ABCA13: variants seen among roughly 807,000 people sequenced by gnomAD.
ABCA13 encodes ATP-binding cassette sub-family A member 13.
Under a neutral mutation model 478.7 loss-of-function variants are expected in ABCA13, and 476 were observed. The observed-to-expected ratio is 0.99, with a 90% confidence interval of 0.92 to 1.07. The LOEUF is 1.07. Among genes scored for constraint, ABCA13 ranks in the 50% least tolerant of loss-of-function variants. The probability of loss-of-function intolerance (pLI) is 0.00; values close to 1 mark genes in which losing one functional copy is unlikely to be tolerated. For missense variants in ABCA13, 6,060 were observed against 5,910.6 expected (o/e 1.03, Z -0.83); for synonymous variants, 2,252 against 2,158.9 (o/e 1.04, Z -1.20).
rs564166630 is a variant in ABCA13, at chr7:48,530,347, T to C, written c.14354+2002T>C. Among the ~76,000 whole-genome samples the C allele has an allele frequency of 3.3e-5, 5 of 151,956 alleles. No homozygotes were observed. The South Asian group carries it at 1.0e-3, about 32-fold the overall frequency. ...ATATACACATATACATATATAGATGTATATATACACATATATACATATATA... is the reference window on the plus strand; with the variant it reads ...ATATACACATATACATATATAGATGCATATATACACATATATACATATATA... On this transcript the variant is annotated intron_variant, in intron 55 of 61. Transcript: ENST00000435803.
chr7:48,566,237 A>G (rs558511028), intron 55 of ABCA13, among the ~76,000 whole-genome samples: 1 of 152,036 alleles, frequency 6.6e-6, no homozygotes, highest in Non-Finnish European at 1.5e-5. Context: ...TTGATCTGTT[A>G]TGTCATTAAA....
chr7:48,455,311 T>C, intron 43 of ABCA13, 25 bp downstream of exon 43: 1 of 1,578,600 alleles, frequency 6.3e-7, no homozygotes. Context: ...TTCCTTTGAT[T>C]TCGAAATTAT....
At chr7:48,333,967 T>C (rs1175153455) in intron 27 of ABCA13, among the ~76,000 whole-genome samples, 1 of 152,138 alleles carries the variant, frequency 6.6e-6, no homozygotes, top group Non-Finnish European at 1.5e-5. Flanking sequence ...TCATTACCAG[T>C]GTCATCCGAG....
chr7:48,552,982 A>T (rs1186996074), intron 55 of ABCA13, among the ~76,000 whole-genome samples: 2 of 151,806 alleles, frequency 1.3e-5, no homozygotes, highest in African/African-American at 4.8e-5. Context: ...TACCCTCCCC[A>T]GCCTCTGGTA....
intron 48 of ABCA13, among the ~76,000 whole-genome samples, chr7:48,490,638 A>G (rs1829755328): frequency 6.6e-6 from 1 of 152,222 alleles, no homozygotes; most frequent in Non-Finnish European, 1.5e-5. Flanking sequence ...CAATGCAATA[A>G]CAATTATAGT....
At chr7:48,189,092 G>A (rs780943047) in intron 1 of ABCA13, among the ~76,000 whole-genome samples, 2 of 152,146 alleles carry the variant, frequency 1.3e-5, no homozygotes, top group Admixed American at 6.5e-5. Flanking sequence ...CTGTGCCAGC[G>A]CATTTGGACA....
Position 48,645,493 on chromosome 7 carries a change from C to A in ABCA13, c.15158C>A (p.Thr5053Lys), listed in dbSNP as rs377183793. 1.0e-4 allele frequency: 164 copies of A among 1,587,798 alleles called. No homozygotes were observed. The highest frequency in any genetic ancestry group is 1.4e-4 in the Non-Finnish European group (159 of 1,165,924). ...TLDPSTDSHH[T>K]HHLPI The stretch of plus-strand genomic sequence containing the variant: ...GATCCATCCACTGACAGTCACCACA[C>A]ACATCACTTGCCCATCTGAGCACTA... Residue 5053 changes from threonine (T) to lysine (K), a missense_variant, in exon 62 of 62, where the codon ACA (threonine) becomes AAA (lysine). Physicochemically the swap from Thr to Lys is moderately conservative, Grantham distance 78. Transcript: ENST00000435803.
intron 31 of ABCA13, among the ~76,000 whole-genome samples, chr7:48,352,748 A>G (rs536835468): frequency 1.1e-3 from 170 of 152,200 alleles, no homozygotes; most frequent in African/African-American, 4.0e-3. Context: ...AAATACACTT[A>G]AAATAAATTT....
chr7:48,275,199 G>A lies in ABCA13; in HGVS notation c.5533G>A (p.Gly1845Arg). Reference protein sequence around the residue: ...NSKIDPCNVHGLMSSSFYGKV... With the variant: ...NSKIDPCNVHRLMSSSFYGKV... Reference sequence around the variant, plus strand: ...AAAGATAGACCCCTGCAATGTCCATGGGCTCATGTCTTCTTCCTTTTATGG... The same window carrying A: ...AAAGATAGACCCCTGCAATGTCCATAGGCTCATGTCTTCTTCCTTTTATGG... Residue 1845 changes from glycine to arginine, a missense_variant, in exon 17 of 62, where the codon GGG becomes AGG. Transcript: ENST00000435803. 1.2e-6 allele frequency: 2 copies of A among 1,613,854 alleles called. No individual in the cohort carries two copies. The highest frequency in any genetic ancestry group is 2.2e-5 in the South Asian group (2 of 91,072).
chr7:48,455,866 G>A (rs1304276343), intron 43 of ABCA13, among the ~76,000 whole-genome samples: 1 of 152,236 alleles, frequency 6.6e-6, no homozygotes, highest in African/African-American at 2.4e-5. Flanking sequence ...ATTTACGCAA[G>A]AACTCAGAGC....
intron 27 of ABCA13, among the ~76,000 whole-genome samples, chr7:48,329,486 T>C (rs1421596615): frequency 1.3e-5 from 2 of 152,160 alleles, no homozygotes; most frequent in Non-Finnish European, 2.9e-5. Flanking sequence ...ATGTCCTCTG[T>C]ATGGGAAGGT....
At chr7:48,456,676 C>G (rs539777911) in intron 43 of ABCA13, among the ~76,000 whole-genome samples, 5 of 152,254 alleles carry the variant, frequency 3.3e-5, no homozygotes, top group Admixed American at 6.5e-5. Flanking sequence ...TCTTATAAAT[C>G]AGTACAACCA....
chr7:48,594,592 T>C (rs2131438212), intron 57 of ABCA13, 118 bp from the exon 58 acceptor site: 1 of 850,760 alleles, frequency 1.2e-6, no homozygotes, highest in Non-Finnish European at 2.0e-6. Flanking sequence ...TGGAGAGGTG[T>C]CTTTTAGAGC....
intron 10 of ABCA13, among the ~76,000 whole-genome samples, chr7:48,243,907 A>C (rs183499427): frequency 1.2e-4 from 19 of 152,272 alleles, no homozygotes; most frequent in Admixed American, 1.2e-3. Context: ...GAAAGCCTGG[A>C]CTCACCTGCT....
intron 42 of ABCA13, among the ~76,000 whole-genome samples, chr7:48,443,299 C>G (rs1030726999): frequency 2.0e-5 from 3 of 152,166 alleles, no homozygotes; most frequent in Non-Finnish European, 2.9e-5. Context: ...TACACATGGG[C>G]AATGTGAGAG....
At chr7:48,454,512 G>A (rs971790147) in intron 42 of ABCA13, among the ~76,000 whole-genome samples, 17 of 152,212 alleles carry the variant, frequency 1.1e-4, no homozygotes, top group Non-Finnish European at 2.5e-4. Context: ...CAGGGAAGCG[G>A]GAGCAGGGAG....
intron 55 of ABCA13, among the ~76,000 whole-genome samples, chr7:48,561,712 G>A (rs1918587): frequency 0.14 from 21,080 of 152,030 alleles, 1,827 homozygotes; most frequent in African/African-American, 0.23. Flanking sequence ...TTTCTTTGAT[G>A]TGCAGTAGCT....
chr7:48,374,271 A>T, intron 33 of ABCA13, 76 bp from the exon 34 acceptor site: 1 of 1,354,362 alleles, frequency 7.4e-7, no homozygotes. Flanking sequence ...TCGCTCCTTG[A>T]ATTAAGTGTT....
chr7:48,204,234 C>G (rs1055169372), intron 3 of ABCA13, among the ~76,000 whole-genome samples: 5 of 148,134 alleles, frequency 3.4e-5, no homozygotes, highest in Non-Finnish European at 7.4e-5. Flanking sequence ...TTTTTTGAGA[C>G]AGTCTGGCTC....
Sources: allele counts gnomAD v4.1 joint callset (sites outside exome capture counted in the v4.1 genomes callset), GRCh38; gene constraint gnomAD v4.1.1; transcripts MANE v1.5; gene names NCBI Gene and HGNC (gene_info 2026-07-23, HGNC 2026-07-21).